MRTFA: variants seen among roughly 807,000 people sequenced by gnomAD.
MRTFA encodes the protein myocardin-related transcription factor A.
MRTFA carries 20 observed loss-of-function variants against 83.5 expected under a neutral mutation model. That is an observed-to-expected ratio of 0.24 (90% CI 0.17 to 0.35). MRTFA has a LOEUF of 0.35. Ranked by LOEUF, MRTFA falls within the 10% of genes least tolerant of loss-of-function variation. The pLI, the probability that MRTFA is intolerant of heterozygous loss-of-function variation, is 1.00. For synonymous variants in MRTFA, 659 were observed against 541.2 expected (o/e 1.22, Z -3.02); for missense variants, 1,200 against 1,224.7 (o/e 0.98, Z 0.30).
chr22:40,491,352 ACAAAAC>A (rs1392025625), intron 3 of MRTFA, among the ~76,000 whole-genome samples: 1 of 152,132 alleles, frequency 6.6e-6, no homozygotes, highest in Non-Finnish European at 1.5e-5. Context: ...TAAAAAAAAA[ACAAAAC>A]CAAGACTATG....
chr22:40,510,111 C>A (rs1246357402), intron 3 of MRTFA, among the ~76,000 whole-genome samples: 1 of 151,868 alleles, frequency 6.6e-6, no homozygotes, highest in Non-Finnish European at 1.5e-5. Context: ...GTCAAATTGA[C>A]AGATATGTCT....
chr22:40,487,250 A>AT (rs2054188730), intron 3 of MRTFA, among the ~76,000 whole-genome samples: 1 of 152,252 alleles, frequency 6.6e-6, no homozygotes, highest in Non-Finnish European at 1.5e-5. Context: ...ATAAATATTT[A>AT]TAAGTAATCA....
intron 2 of MRTFA, among the ~76,000 whole-genome samples, chr22:40,582,330 T>C (rs1038981222): frequency 6.6e-6 from 1 of 152,252 alleles, no homozygotes; most frequent in African/African-American, 2.4e-5. Context: ...TGATGGGCAT[T>C]TGGACTATTC....
chr22:40,502,530 G>A (rs1378438112), intron 3 of MRTFA, among the ~76,000 whole-genome samples: 1 of 143,768 alleles, frequency 7.0e-6, no homozygotes, highest in Non-Finnish European at 1.5e-5. Context: ...CTTCCTAGAT[G>A]GGATGGCGGC....
chr22:40,470,260 T>TAC (rs2053882159), intron 3 of MRTFA, among the ~76,000 whole-genome samples: 1 of 97,702 alleles, frequency 1.0e-5, no homozygotes, highest in Non-Finnish European at 2.0e-5. Flanking sequence ...TATATATATA[T>TAC]ATATATATAT....
chr22:40,480,437 C>T (rs1183790448), intron 3 of MRTFA, among the ~76,000 whole-genome samples: 1 of 151,946 alleles, frequency 6.6e-6, no homozygotes, highest in Non-Finnish European at 1.5e-5. Context: ...TAAAATGACA[C>T]TATATTGATA....
At chr22:40,447,520 A>G (rs1218636208) in intron 4 of MRTFA, among the ~76,000 whole-genome samples, 2 of 152,148 alleles carry the variant, frequency 1.3e-5, no homozygotes, top group African/African-American at 4.8e-5. Flanking sequence ...GGTGGCAGAA[A>G]ACAAGAAGAG....
intron 3 of MRTFA, among the ~76,000 whole-genome samples, chr22:40,515,554 G>A (rs189302829): frequency 5.3e-5 from 8 of 152,118 alleles, no homozygotes; most frequent in South Asian, 4.1e-4. Flanking sequence ...CTGGCTGGGC[G>A]TGGTGGCATG....
At chr22:40,588,790 T>C (rs886112050) in intron 2 of MRTFA, among the ~76,000 whole-genome samples, 1 of 152,156 alleles carries the variant, frequency 6.6e-6, no homozygotes, top group African/African-American at 2.4e-5. Flanking sequence ...GAGACCACCC[T>C]GGGAAACATG....
intron 2 of MRTFA, among the ~76,000 whole-genome samples, chr22:40,582,892 G>A (rs186266698): frequency 6.6e-6 from 1 of 152,282 alleles, no homozygotes; most frequent in African/African-American, 2.4e-5. Flanking sequence ...ATGAAAAAAA[G>A]GCTGATGGCA....
At chr22:40,629,336 C>T (rs909208484) in intron 1 of MRTFA, among the ~76,000 whole-genome samples, 10 of 151,956 alleles carry the variant, frequency 6.6e-5, no homozygotes, top group African/African-American at 2.4e-4. Flanking sequence ...GTCCCAGCTA[C>T]CTGGGAGGCT....
At chr22:40,598,868 A>G (rs1267028716) in intron 1 of MRTFA, among the ~76,000 whole-genome samples, 1 of 151,652 alleles carries the variant, frequency 6.6e-6, no homozygotes, top group Non-Finnish European at 1.5e-5. Flanking sequence ...GTGCACGCCT[A>G]TAATCCCAGC....
intron 2 of MRTFA, among the ~76,000 whole-genome samples, chr22:40,563,863 C>T (rs909526340): frequency 2.0e-5 from 3 of 152,126 alleles, no homozygotes; most frequent in Admixed American, 6.6e-5. Context: ...GGTTCAAGTA[C>T]AAGCAAATTA....
rs143142887 is a variant in MRTFA at position 40,475,218 on chromosome 22, A to G, written c.242-11932T>C. On this transcript the variant is annotated intron_variant, in intron 3 of 14. Coordinates refer to ENST00000355630, the MANE Select transcript of MRTFA (RefSeq NM_020831.6). ...AGAACCATGTCTTACACAGATTTGT[A>G]TCTCTAATAACTGGCCCTGTCTTTA... Among the ~76,000 whole-genome samples, 11 of 152,248 alleles carry G rather than the reference A, an allele frequency of 7.2e-5. No individual in the cohort carries two copies. The East Asian group carries it at 1.9e-3, about 27-fold the overall frequency.
At chr22:40,516,423 A>G (rs1234494655) in intron 3 of MRTFA, among the ~76,000 whole-genome samples, 7 of 96,950 alleles carry the variant, frequency 7.2e-5, no homozygotes, top group Non-Finnish European at 1.1e-4. Flanking sequence ...CTGCCTCAAG[A>G]AAAAAAAAAA....
intron 1 of MRTFA, among the ~76,000 whole-genome samples, chr22:40,597,463 T>G (rs2056207067): frequency 6.6e-6 from 1 of 152,222 alleles, no homozygotes; most frequent in African/African-American, 2.4e-5. Context: ...ATTTAAATAT[T>G]ATGGTTGGTG....
At chr22:40,594,155 A>T (rs570489779) in intron 2 of MRTFA, among the ~76,000 whole-genome samples, 1 of 152,354 alleles carries the variant, frequency 6.6e-6, no homozygotes, top group African/African-American at 2.4e-5. Context: ...GTGGTTACAG[A>T]TGGACAGATC....
At chr22:40,561,706 A>G (rs1435649298) in intron 2 of MRTFA, among the ~76,000 whole-genome samples, 2 of 152,158 alleles carry the variant, frequency 1.3e-5, no homozygotes, top group African/African-American at 4.8e-5. Context: ...AAAATATAAC[A>G]AAACAATGGA....
intron 1 of MRTFA, among the ~76,000 whole-genome samples, chr22:40,605,198 A>C (rs1382062213): frequency 6.6e-6 from 1 of 152,210 alleles, no homozygotes. Context: ...CATACTAGAC[A>C]AAAAAGATAA....
Sources: allele counts gnomAD v4.1 joint callset (sites outside exome capture counted in the v4.1 genomes callset), GRCh38; gene constraint gnomAD v4.1.1; transcripts MANE v1.5; gene names NCBI Gene and HGNC (gene_info 2026-07-23, HGNC 2026-07-21).